MIPOL1: variants seen among roughly 807,000 people sequenced by gnomAD.
MIPOL1 encodes mirror-image polydactyly 1.
Under a neutral mutation model 60.9 loss-of-function variants are expected in MIPOL1, and 57 were observed. The ratio of observed to expected loss-of-function variants is 0.94; its 90% CI spans 0.76 to 1.17. The LOEUF is 1.17. MIPOL1 is among the 50% of genes most tolerant of loss of function. The pLI, the probability that MIPOL1 is intolerant of heterozygous loss-of-function variation, is 0.00. For missense variants in MIPOL1, 551 were observed against 511.6 expected, an observed-to-expected ratio of 1.08 and a Z score of -0.74; for synonymous variants, 179 against 168.8, an observed-to-expected ratio of 1.06 and a Z score of -0.47.
chr14:37,381,411 T>C (rs1240961894), intron 10 of MIPOL1, among the ~76,000 whole-genome samples: 4 of 152,082 alleles, frequency 2.6e-5, no homozygotes, highest in Non-Finnish European at 2.9e-5. Flanking sequence ...AGCAGGTGTC[T>C]CTGATATATT....
chr14:37,372,869 A>G (rs2092678754), intron 10 of MIPOL1, among the ~76,000 whole-genome samples: 1 of 151,758 alleles, frequency 6.6e-6, no homozygotes, highest in African/African-American at 2.4e-5. Context: ...GGACTGAATT[A>G]TACTGATACT....
Position 37,546,886 on chromosome 14 carries a change from C to T in MIPOL1, c.1263-19C>T. On this transcript the variant is annotated intron_variant, in intron 12 of 12. Transcript: ENST00000684589. Reference sequence around the variant, plus strand: ...GCCCTTTTTTTCCCCTTCTCACCCCCATCCCAACCCCAACTTAGGTTGGAA... The same window carrying T: ...GCCCTTTTTTTCCCCTTCTCACCCCTATCCCAACCCCAACTTAGGTTGGAA... 6.2e-7 allele frequency: 1 copy of T among 1,610,856 alleles called. No homozygotes were observed. Among genetic ancestry groups the T allele is most frequent in the Non-Finnish European group, 8.5e-7 (1 of 1,177,680 alleles).
intron 11 of MIPOL1, among the ~76,000 whole-genome samples, chr14:37,476,720 G>A (rs897730489): frequency 6.6e-6 from 1 of 151,858 alleles, no homozygotes; most frequent in Non-Finnish European, 1.5e-5. Flanking sequence ...ATTTTGTGAT[G>A]GAGTACATTA....
intron 12 of MIPOL1, among the ~76,000 whole-genome samples, chr14:37,514,443 A>G (rs2095353160): frequency 6.6e-6 from 1 of 152,150 alleles, no homozygotes; most frequent in African/African-American, 2.4e-5. Flanking sequence ...TAGAAGTTAG[A>G]TTTTTAGAAG....
chr14:37,303,279 C>T (rs1349066935), intron 7 of MIPOL1, among the ~76,000 whole-genome samples: 4 of 151,790 alleles, frequency 2.6e-5, no homozygotes, highest in Non-Finnish European at 4.4e-5. Context: ...GAATGTCTAC[C>T]TCAGATTTAC....
chr14:37,521,885 G>GAAA (rs71449997), intron 12 of MIPOL1, among the ~76,000 whole-genome samples: 13,465 of 129,610 alleles, frequency 0.1, 1,198 homozygotes, highest in East Asian at 0.26. Flanking sequence ...TTTATCTAAA[G>GAAA]AAAAAAAAAT....
intron 9 of MIPOL1, among the ~76,000 whole-genome samples, chr14:37,353,204 A>G (rs1161777409): frequency 6.8e-6 from 1 of 147,298 alleles, no homozygotes; most frequent in Non-Finnish European, 1.5e-5. Flanking sequence ...ACGCTGGATT[A>G]CATTTATTGA....
chr14:37,238,031 A>G lies in MIPOL1; in HGVS notation c.-198-9072A>G, dbSNP rs1453072101. Among the ~76,000 whole-genome samples, 8 of 152,038 alleles carry G rather than the reference A, an allele frequency of 5.3e-5. No individual in the cohort carries two copies. The East Asian group carries it at 1.5e-3, about 29-fold the overall frequency. Reference sequence around the variant, plus strand: ...ACCCAGGCTGGAGTACAATAGCGCGATCATAGCTCATTGTAACCTTGAACT... The same window carrying G: ...ACCCAGGCTGGAGTACAATAGCGCGGTCATAGCTCATTGTAACCTTGAACT... On this transcript the variant is annotated intron_variant, in intron 1 of 12. Transcript: ENST00000684589.
intron 12 of MIPOL1, among the ~76,000 whole-genome samples, chr14:37,528,082 A>G (rs773390732): frequency 1.2e-4 from 18 of 152,090 alleles, no homozygotes; most frequent in Non-Finnish European, 2.2e-4. Flanking sequence ...TGATTGGCCA[A>G]TCAGAAAATG....
chr14:37,241,498 G>A (rs531026764), intron 1 of MIPOL1, among the ~76,000 whole-genome samples: 3 of 148,418 alleles, frequency 2.0e-5, no homozygotes, highest in East Asian at 4.1e-4. Flanking sequence ...TGGGAGAATC[G>A]CTTGAGTCCA....
intron 1 of MIPOL1, among the ~76,000 whole-genome samples, chr14:37,219,302 T>C (rs900342871): frequency 6.6e-6 from 1 of 152,194 alleles, no homozygotes; most frequent in East Asian, 1.9e-4. Context: ...GGTTGAGGGC[T>C]AGTATAGTAA....
At chr14:37,254,593 G>A (rs889740664) in intron 3 of MIPOL1, among the ~76,000 whole-genome samples, 2 of 151,776 alleles carry the variant, frequency 1.3e-5, no homozygotes, top group Non-Finnish European at 3.0e-5. Flanking sequence ...TACCACAGTT[G>A]TACATTTGTT....
chr14:37,208,580 C>T (rs556659111), intron 1 of MIPOL1, among the ~76,000 whole-genome samples: 54 of 152,222 alleles, frequency 3.5e-4, no homozygotes, highest in African/African-American at 1.3e-3. Context: ...CATGTAGCCA[C>T]CATCAAAATA....
intron 1 of MIPOL1, among the ~76,000 whole-genome samples, chr14:37,244,557 A>T (rs911602222): frequency 6.9e-4 from 102 of 148,490 alleles, no homozygotes; most frequent in Non-Finnish European, 1.2e-3. Flanking sequence ...TTTTTTTTTT[A>T]AATAGGTGAT....
intron 12 of MIPOL1, chr14:37,545,663 A>G (rs2153644074): frequency 1.5e-6 from 1 of 645,420 alleles, no homozygotes; most frequent in African/African-American, 1.8e-5. Flanking sequence ...TTTTGTTAAC[A>G]GAATTCTTGA....
At chr14:37,370,266 A>G (rs1381851634) in intron 10 of MIPOL1, among the ~76,000 whole-genome samples, 1 of 152,176 alleles carries the variant, frequency 6.6e-6, no homozygotes, top group African/African-American at 2.4e-5. Context: ...TTTTTTCTTA[A>G]GGTGCTTGTG....
intron 11 of MIPOL1, among the ~76,000 whole-genome samples, chr14:37,490,209 G>C (rs530067284): frequency 2.6e-5 from 4 of 152,176 alleles, no homozygotes; most frequent in Non-Finnish European, 4.4e-5. Context: ...GCTGCAGTGG[G>C]CTCCACCCAG....
chr14:37,460,591 A>G (rs1566645279), intron 11 of MIPOL1, among the ~76,000 whole-genome samples: 1 of 152,224 alleles, frequency 6.6e-6, no homozygotes, highest in Non-Finnish European at 1.5e-5. Context: ...TGATGACATG[A>G]TCTTACACCT....
intron 9 of MIPOL1, among the ~76,000 whole-genome samples, chr14:37,342,077 G>A (rs1202496088): frequency 6.6e-6 from 1 of 152,114 alleles, no homozygotes; most frequent in Non-Finnish European, 1.5e-5. Context: ...TAATATGCAT[G>A]TTGGCTGGGT....
Sources: allele counts gnomAD v4.1 joint callset (sites outside exome capture counted in the v4.1 genomes callset), GRCh38; gene constraint gnomAD v4.1.1; transcripts MANE v1.5; gene names NCBI Gene and HGNC (gene_info 2026-07-23, HGNC 2026-07-21).